The following LRMDA variants were observed in gnomAD, a reference collection of about 807,000 sequenced individuals.
The protein encoded by LRMDA is leucine rich melanocyte differentiation associated, also known as leucine-rich melanocyte differentiation-associated protein.
A neutral mutation model predicts 29.8 loss-of-function variants in LRMDA; 18 were observed. That is an observed-to-expected ratio of 0.60 (90% CI 0.42 to 0.90). The LOEUF (loss-of-function observed/expected upper bound fraction) is 0.90, where lower values mean the gene tolerates loss of function less well. LRMDA is among the 40% of genes least tolerant of loss of function. The pLI is 0.00. For missense variants in LRMDA, 273 were observed against 273.9 expected (o/e 1.00, Z 0.02); for synonymous variants, 125 against 109.4 (o/e 1.14, Z -0.89).
intron 2 of LRMDA, among the ~76,000 whole-genome samples, chr10:75,747,053 G>T (rs1429137143): frequency 1.3e-5 from 2 of 151,944 alleles, no homozygotes; most frequent in Non-Finnish European, 2.9e-5. Flanking sequence ...ATTTAAAGAG[G>T]TTTCTTTTTT....
chr10:76,133,996 C>CT (rs1175569468), intron 5 of LRMDA, among the ~76,000 whole-genome samples: 1 of 152,202 alleles, frequency 6.6e-6, no homozygotes, highest in African/African-American at 2.4e-5. Context: ...TGCCAAAGCT[C>CT]TTTGACTGTC....
intron 2 of LRMDA, among the ~76,000 whole-genome samples, chr10:75,498,306 G>A (rs1224029766): frequency 6.6e-6 from 1 of 152,180 alleles, no homozygotes; most frequent in Non-Finnish European, 1.5e-5. Context: ...CTGTATGGCA[G>A]GAAAATGCTT....
At chr10:76,086,011 C>A (rs1406543855) in intron 5 of LRMDA, among the ~76,000 whole-genome samples, 1 of 152,202 alleles carries the variant, frequency 6.6e-6, no homozygotes, top group African/African-American at 2.4e-5. Context: ...TGCACCACCC[C>A]CCGCCCAATT....
chr10:75,539,778 C>T (rs1039663301), intron 2 of LRMDA, among the ~76,000 whole-genome samples: 19 of 152,014 alleles, frequency 1.2e-4, no homozygotes, highest in African/African-American at 4.4e-4. Flanking sequence ...GATGTATTGG[C>T]GATTTTCTCC....
intron 6 of LRMDA, among the ~76,000 whole-genome samples, chr10:76,371,503 C>T (rs1354488389): frequency 6.6e-6 from 1 of 152,072 alleles, no homozygotes; most frequent in East Asian, 1.9e-4. Flanking sequence ...TGCTCAGAGC[C>T]TGCCACTCAC....
At chr10:76,224,692 C>A (rs1253914557) in intron 5 of LRMDA, among the ~76,000 whole-genome samples, 1 of 99,424 alleles carries the variant, frequency 1.0e-5, no homozygotes, top group Non-Finnish European at 2.2e-5. Context: ...TTTTTTTTTA[C>A]CGGACAAAAA....
chr10:76,069,889 T>C (rs964660136), intron 5 of LRMDA, among the ~76,000 whole-genome samples: 3 of 152,216 alleles, frequency 2.0e-5, no homozygotes, highest in African/African-American at 7.2e-5. Context: ...GAATTTATTG[T>C]AGCTGTTGAG....
chr10:75,541,175 C>G (rs900055979), intron 2 of LRMDA, among the ~76,000 whole-genome samples: 1 of 152,058 alleles, frequency 6.6e-6, no homozygotes, highest in Non-Finnish European at 1.5e-5. Context: ...TGGATTTGAG[C>G]CTTTGTCCCA....
chr10:76,415,543 A>G (rs1842005614), intron 6 of LRMDA, among the ~76,000 whole-genome samples: 1 of 152,222 alleles, frequency 6.6e-6, no homozygotes, highest in South Asian at 2.1e-4. Flanking sequence ...GAGTTGGACT[A>G]AATGGTATCT....
chr10:75,582,093 C>T (rs1234597201), intron 2 of LRMDA, among the ~76,000 whole-genome samples: 2 of 152,182 alleles, frequency 1.3e-5, no homozygotes, highest in Non-Finnish European at 2.9e-5. Context: ...CATTGAGTAT[C>T]TGCAGCTTTT....
At chr10:75,753,322 A>T (rs572381492) in intron 2 of LRMDA, among the ~76,000 whole-genome samples, 1 of 152,188 alleles carries the variant, frequency 6.6e-6, no homozygotes, top group Non-Finnish European at 1.5e-5. Flanking sequence ...ATTAGAGGAG[A>T]CAGGTGATAG....
chr10:75,456,261 G>T (rs1844516376), intron 2 of LRMDA, among the ~76,000 whole-genome samples: 1 of 152,228 alleles, frequency 6.6e-6, no homozygotes, highest in African/African-American at 2.4e-5. Flanking sequence ...CTGTTAGAAG[G>T]GTCACGGTTA....
At chr10:75,566,698 T>G (rs1840376083) in intron 2 of LRMDA, among the ~76,000 whole-genome samples, 1 of 152,172 alleles carries the variant, frequency 6.6e-6, no homozygotes, top group Non-Finnish European at 1.5e-5. Flanking sequence ...TGGCTGCTTT[T>G]TTTCTTATCA....
intron 5 of LRMDA, among the ~76,000 whole-genome samples, chr10:76,138,800 T>C (rs2132147015): frequency 6.6e-6 from 1 of 152,322 alleles, no homozygotes; most frequent in African/African-American, 2.4e-5. Context: ...TAAGTATGCT[T>C]GTGGCTTTTA....
intron 6 of LRMDA, among the ~76,000 whole-genome samples, chr10:76,511,322 G>A (rs886467318): frequency 2.0e-5 from 3 of 152,034 alleles, no homozygotes; most frequent in Non-Finnish European, 4.4e-5. Context: ...TCAAGTTTAC[G>A]TGGTTTGACT....
intron 5 of LRMDA, among the ~76,000 whole-genome samples, chr10:76,216,638 A>T (rs1306891481): frequency 6.6e-6 from 1 of 152,130 alleles, no homozygotes; most frequent in East Asian, 1.9e-4. Context: ...GACTGGCAAA[A>T]TTTTTTTCAA....
intron 2 of LRMDA, among the ~76,000 whole-genome samples, chr10:75,900,115 A>G (rs1222178715): frequency 1.3e-5 from 2 of 152,204 alleles, no homozygotes; most frequent in Admixed American, 6.5e-5. Context: ...GAATGGTATA[A>G]TTACTGATTG....
intron 2 of LRMDA, among the ~76,000 whole-genome samples, chr10:76,029,601 C>T (rs1421351915): frequency 6.6e-6 from 1 of 152,188 alleles, no homozygotes; most frequent in Non-Finnish European, 1.5e-5. Context: ...AATCTACCTT[C>T]TTACCTCCTT....
Position 75,544,009 on chromosome 10 carries a change from A to G in LRMDA, c.131+105515A>G, listed in dbSNP as rs111524484. 1.1e-4 allele frequency among the ~76,000 whole-genome samples: 17 copies of G among 152,286 alleles called. 1 individual carries two copies. Among genetic ancestry groups the G allele is most frequent in the African/African-American group, 4.1e-4 (17 of 41,556 alleles). On this transcript the variant is annotated intron_variant, in intron 2 of 6. Transcript: ENST00000611255. The stretch of plus-strand genomic sequence containing the variant: ...GGGGTCCCTCACCCCACCTGTGTCC[A>G]TCGTTTCACACCAAGAACCAACTTC...
Sources: allele counts gnomAD v4.1 joint callset (sites outside exome capture counted in the v4.1 genomes callset), GRCh38; gene constraint gnomAD v4.1.1; transcripts MANE v1.5; gene names NCBI Gene and HGNC (gene_info 2026-07-23, HGNC 2026-07-21).